Variants in LYSMD4 observed in about 807,000 individuals in gnomAD.
LYSMD4 encodes the protein lysM and putative peptidoglycan-binding domain-containing protein 4.
A neutral mutation model predicts 6.1 loss-of-function variants in LYSMD4; 9 were observed. The ratio of observed to expected loss-of-function variants is 1.47; its 90% confidence interval spans 0.88 to 2.56. The LOEUF is 2.56. Ranked by LOEUF, LYSMD4 falls within the 30% of genes most tolerant of loss-of-function variation. The pLI, the probability that LYSMD4 is intolerant of heterozygous loss-of-function variation, is 0.00. For missense variants in LYSMD4, 384 were observed against 373.5 expected (o/e 1.03, Z -0.23); for synonymous variants, 143 against 148.5 (o/e 0.96, Z 0.27).
At chr15:99,721,329 G>T (rs1217710095), upstream of LYSMD4, among the ~76,000 whole-genome samples, 1 of 152,172 alleles carries the variant, frequency 6.6e-6, no homozygotes. Flanking sequence ...GGAGGGAGGA[G>T]CACTGATCTC....
chr15:99,724,801 T>G, downstream of LYSMD4, among the ~76,000 whole-genome samples: 1 of 152,202 alleles, frequency 6.6e-6, no homozygotes, highest in Non-Finnish European at 1.5e-5. Context: ...GCCTCCTCAC[T>G]GGCACTGTGG....
downstream of LYSMD4, among the ~76,000 whole-genome samples, chr15:99,724,996 G>A (rs566297882): frequency 6.6e-6 from 1 of 152,280 alleles, no homozygotes; most frequent in East Asian, 1.9e-4. Flanking sequence ...AGGCAAGTTG[G>A]ATGCTATCCA....
Position 99,731,921 on chromosome 15 carries a change from T to C in LYSMD4, c.79A>G (p.Met27Val), listed in dbSNP as rs1186328090. The change falls in exon 2 of 3, where the codon ATG becomes GTG. Residue 27 changes from methionine to valine, a missense_variant. Transcript: ENST00000684762. ...GAGTCCCCACTGCCATTCTTAAACA[T>C]GTATACGTGGCTGGTCGGAGTCCCA... Reference protein sequence around the residue: ...VCGTPTSHVYMFKNGSGDSGD... With the variant: ...VCGTPTSHVYVFKNGSGDSGD... 4 of 1,613,214 alleles carry C rather than the reference T, an allele frequency of 2.5e-6. No individual in the cohort carries two copies. The highest frequency in any genetic ancestry group is 2.7e-5 in the African/African-American group (2 of 74,924).
At position 99,728,587 on chromosome 15, in the gene LYSMD4, T is replaced by A. The variant is rs1443028912; in HGVS notation, c.*536A>T. On this transcript the variant is annotated 3_prime_UTR_variant, in exon 3 of 3. Coordinates refer to ENST00000684762, the MANE Select transcript of LYSMD4 (RefSeq NM_001284417.2). ...CAAAAAGGCTAACTGAGGGGGCCAA[T>A]ATGAAGTAGGCTTGTTACAACTGTA... 6.1e-6 allele frequency: 1 copy of A among 163,696 alleles called. No individual in the cohort carries two copies. The highest frequency in any genetic ancestry group is 1.4e-5 in the Non-Finnish European group (1 of 73,184). 10.1% of individuals were successfully genotyped at this position (163,696 alleles called of 1,614,324 possible).
In LYSMD4 at chr15:99,731,931, G is replaced by A; in HGVS notation, c.69C>T (p.Ser23=). The part of the protein sequence containing the change: ...GPAVVCGTPT[S]HVYMFKNGSG... ...TGCCATTCTTAAACATGTATACGTG[G>A]CTGGTCGGAGTCCCACACACAACAG... is the stretch of plus-strand genomic sequence containing the variant. Residue 23 remains serine (S), a synonymous_variant, in exon 2 of 3, where the codon AGC becomes AGT. Transcript: ENST00000684762. 2 of 1,612,568 alleles carry A rather than the reference G, an allele frequency of 1.2e-6. No homozygotes were observed. Among genetic ancestry groups the A allele is most frequent in the African/African-American group, 1.3e-5 (1 of 75,046 alleles).
At chr15:99,732,428 T>C (rs1440354804) in intron 1 of LYSMD4, among the ~76,000 whole-genome samples, 1 of 152,246 alleles carries the variant, frequency 6.6e-6, no homozygotes, top group East Asian at 1.9e-4. Context: ...TTCAATATTT[T>C]ACACATTGCA....
intron 1 of LYSMD4, 149 bp from the exon 2 acceptor site, chr15:99,732,156 T>C (rs1300706447): frequency 1.2e-6 from 1 of 843,278 alleles, no homozygotes; most frequent in African/African-American, 1.7e-5. Context: ...AAAAAGAATG[T>C]GCTTATGCTG....
chr15:99,733,167 C>T (rs1299599727), intron 1 of LYSMD4, 178 bp downstream of exon 1: 17 of 373,508 alleles, frequency 4.6e-5, no homozygotes, highest in Non-Finnish European at 6.7e-5. Context: ...CAACCCTAGC[C>T]ACCTGGGGCC....
rs1388896501 is a variant in LYSMD4 at position 99,729,358 on chromosome 15, C to T, written c.656G>A (p.Trp219Ter). 6.2e-7 allele frequency: 1 copy of T among 1,614,090 alleles called. No individual in the cohort carries two copies. Among genetic ancestry groups the T allele is most frequent in the Non-Finnish European group, 8.5e-7 (1 of 1,180,036 alleles). Residue 219 changes from tryptophan to a stop codon, truncating the protein, a stop_gained, in exon 3 of 3, where the codon TGG becomes TAG. Coordinates refer to ENST00000684762, the MANE Select transcript of LYSMD4 (RefSeq NM_001284417.2). LOFTEE classifies it low-confidence loss of function (END_TRUNC). The part of the protein sequence containing the change: ...MDGADCGIQW[W>*]NAVFIMLLIG... ...CAGCAGCATGATGAAAACAGCATTC[C>T]ACCACTGAATGCCACAATCTGCACC...
chr15:99,727,167 G>A (rs752132791), downstream of LYSMD4, among the ~76,000 whole-genome samples: 24 of 152,312 alleles, frequency 1.6e-4, no homozygotes, highest in Admixed American at 4.6e-4. Context: ...CTGAGGTCAG[G>A]AGTTCGAAAT....
chr15:99,729,728 C>T lies in LYSMD4; in HGVS notation c.286G>A (p.Ala96Thr), dbSNP rs774056767. 1.2e-6 allele frequency: 2 copies of T among 1,603,986 alleles called. No homozygotes were observed. Among genetic ancestry groups the T allele is most frequent in the South Asian group, 2.2e-5 (2 of 90,692 alleles). ...KLALQYGCKV[A>T]DIKKVNNFIR... is the part of the protein sequence containing the mutation. ...AAGTTGTTGACTTTCTTGATATCTG[C>T]AACCTAGGAAGGCACGAAGATAAAC... Residue 96 changes from alanine (A) to threonine (T), a missense_variant, in exon 3 of 3, where the codon GCA becomes ACA. Transcript: ENST00000684762.
chr15:99,729,328 C>T lies in LYSMD4; in HGVS notation c.686G>A (p.Gly229Asp). 6.2e-7 allele frequency: 1 copy of T among 1,614,194 alleles called. No individual in the cohort carries two copies. The highest frequency in any genetic ancestry group is 8.5e-7 in the Non-Finnish European group (1 of 1,180,036). The change falls in exon 3 of 3, where the codon GGT becomes GAT. Residue 229 changes from glycine to aspartate, a missense_variant. Gly to Asp is a moderately conservative substitution (Grantham distance 94, BLOSUM62 -1). Coordinates refer to ENST00000684762, the MANE Select transcript of LYSMD4 (RefSeq NM_001284417.2). ...WNAVFIMLLI[G>D]IVLPVFYLVY... ...CAAATAAAAGACAGGCAAGACAATA[C>T]CAATCAGCAGCATGATGAAAACAGC...
At position 99,729,138 on chromosome 15, in the gene LYSMD4, G is replaced by C; in HGVS notation, c.876C>G (p.Thr292=). The part of the protein sequence containing the change: ...TSADSQFSQT[T]QAGS Reference sequence around the variant, plus strand: ...AAAACAAAGCTTAGCTCCCCGCTTGGGTGGTCTGACTGAACTGGCTGTCTG... The same window carrying C: ...AAAACAAAGCTTAGCTCCCCGCTTGCGTGGTCTGACTGAACTGGCTGTCTG... The change falls in exon 3 of 3, where the codon ACC becomes ACG. Residue 292 remains threonine, a synonymous_variant. Transcript: ENST00000684762. 1.2e-6 allele frequency: 2 copies of C among 1,613,306 alleles called. No individual in the cohort carries two copies. The highest frequency in any genetic ancestry group is 8.5e-7 in the Non-Finnish European group (1 of 1,179,258).
intron 2 of LYSMD4, chr15:99,731,360 TA>T: frequency 6.2e-7 from 1 of 1,612,832 alleles, no homozygotes; most frequent in Non-Finnish European, 8.5e-7. Context: ...AAGCATACCA[TA>T]GAAATCCGGA....
intron 2 of LYSMD4, 131 bp downstream of exon 2, chr15:99,731,587 C>A: frequency 6.6e-7 from 1 of 1,525,184 alleles, no homozygotes; most frequent in Non-Finnish European, 8.8e-7. Context: ...TAGGGGAGTC[C>A]TTGGCTGCTA....
At chr15:99,720,265 T>C (rs1171536701), upstream of LYSMD4, among the ~76,000 whole-genome samples, 1 of 152,234 alleles carries the variant, frequency 6.6e-6, no homozygotes, top group Non-Finnish European at 1.5e-5. Context: ...TCTTTTACTT[T>C]TAGATTGCTG....
chr15:99,718,282 C>T (rs1411809880), upstream of LYSMD4, among the ~76,000 whole-genome samples: 1 of 152,142 alleles, frequency 6.6e-6, no homozygotes, highest in African/African-American at 2.4e-5. Context: ...AATGGTATGT[C>T]CCTAATGCAT....
Position 99,727,454 on chromosome 15 carries a change from A to G in LYSMD4, c.*1669T>C, listed in dbSNP as rs769904446. ...TTATTCCATTTGAGAAAAGTAAAGG[A>G]TACATTCTTTGTCTGACAAAAGTGA... On this transcript the variant is annotated 3_prime_UTR_variant, in exon 3 of 3. Coordinates refer to ENST00000684762, the MANE Select transcript of LYSMD4 (RefSeq NM_001284417.2). The G allele has an allele frequency of 4.6e-5, 7 of 152,178 alleles. No individual in the cohort carries two copies. Among genetic ancestry groups the G allele is most frequent in the Non-Finnish European group, 1.0e-4 (7 of 68,036 alleles). The allele number at this position is 152,178 out of a possible 1,614,324, so 9.4% of individuals were successfully genotyped here.
rs1421135624 is a variant in LYSMD4, at chr15:99,727,993, G to C, written c.*1130C>G. 1 of 152,360 alleles carries C rather than the reference G, an allele frequency of 6.6e-6. No individual in the cohort carries two copies. The highest frequency in any genetic ancestry group is 2.4e-5 in the African/African-American group (1 of 41,462). The allele number at this position is 152,360 out of a possible 1,614,324, so 9.4% of individuals were successfully genotyped here. On this transcript the variant is annotated 3_prime_UTR_variant, in exon 3 of 3. Transcript: ENST00000684762. Reference sequence around the variant, plus strand: ...ACAGCACCACTGCTGCCTTGGCAGCGAGAAGGGCTGGGAAAACTGCAAGCC... The same window carrying C: ...ACAGCACCACTGCTGCCTTGGCAGCCAGAAGGGCTGGGAAAACTGCAAGCC...
Sources: allele counts gnomAD v4.1 joint callset (sites outside exome capture counted in the v4.1 genomes callset), GRCh38; gene constraint gnomAD v4.1.1; transcripts MANE v1.5; gene names NCBI Gene and HGNC (gene_info 2026-07-23, HGNC 2026-07-21).